Variants in HIVEP3 observed in about 807,000 individuals in gnomAD.
HIVEP3 encodes the protein transcription factor HIVEP3.
In HIVEP3, 49 loss-of-function variants were observed where a neutral mutation model predicts 152.8. That is an observed-to-expected ratio of 0.32 (90% CI 0.26 to 0.41). HIVEP3 has a LOEUF of 0.41. Ranked by LOEUF, HIVEP3 falls within the 10% of genes least tolerant of loss-of-function variation. The pLI is 1.00. For missense variants in HIVEP3, 2,790 were observed against 3,103.3 expected, an observed-to-expected ratio of 0.90 and a Z score of 2.40; for synonymous variants, 1,269 against 1,289.0, an observed-to-expected ratio of 0.98 and a Z score of 0.33.
intron 1 of HIVEP3, among the ~76,000 whole-genome samples, chr1:41,974,168 G>T (rs146409901): frequency 2.0e-5 from 3 of 152,188 alleles, no homozygotes; most frequent in African/African-American, 7.2e-5. Context: ...GCACAAGAGA[G>T]AAAAGGGGCA....
Position 41,510,787 on chromosome 1 carries a change from C to T in HIVEP3, c.6885G>A (p.Gly2295=), listed in dbSNP as rs757402370. The part of the protein sequence containing the change: ...PGRPPDWTPH[G]TGAPAEPTPT... The stretch of plus-strand genomic sequence containing the variant: ...GTGTGGGCTCTGCAGGTGCCCCGGT[C>T]CCATGGGGTGTCCAGTCAGGAGGCC... The change falls in exon 9 of 9, where the codon GGG becomes GGA. Residue 2295 remains glycine, a synonymous_variant. Coordinates refer to ENST00000372583, the MANE Select transcript of HIVEP3 (RefSeq NM_024503.5). The T allele has an allele frequency of 3.7e-6, 6 of 1,609,266 alleles. No homozygotes were observed. The highest frequency in any genetic ancestry group is 5.1e-6 in the Non-Finnish European group (6 of 1,178,452).
chr1:41,969,289 ATGC>A (rs1179381465), intron 1 of HIVEP3, among the ~76,000 whole-genome samples: 1 of 152,232 alleles, frequency 6.6e-6, no homozygotes, highest in Admixed American at 6.5e-5. Flanking sequence ...TGGAGACATC[ATGC>A]TACCTGAGTT....
chr1:41,928,009 C>T (rs1185426082), intron 1 of HIVEP3, among the ~76,000 whole-genome samples: 2 of 132,988 alleles, frequency 1.5e-5, no homozygotes, highest in Non-Finnish European at 3.1e-5. Context: ...TGCAGTCAGC[C>T]GAGATTGCAG....
At chr1:42,000,580 C>T (rs348142) in intron 1 of HIVEP3, among the ~76,000 whole-genome samples, 92,118 of 152,078 alleles carry the variant, frequency 0.61, 28,429 homozygotes, top group African/African-American at 0.73. Context: ...TGCCAGGTAT[C>T]TGAGGACTCC....
At chr1:41,676,887 G>A (rs1474256290) in intron 2 of HIVEP3, among the ~76,000 whole-genome samples, 1 of 152,212 alleles carries the variant, frequency 6.6e-6, no homozygotes. Flanking sequence ...CAGCTGGGAG[G>A]AAAGTCCACT....
At chr1:41,883,062 A>G in intron 1 of HIVEP3, among the ~76,000 whole-genome samples, 1 of 152,090 alleles carries the variant, frequency 6.6e-6, no homozygotes, top group Admixed American at 6.6e-5. Flanking sequence ...AGTAAGAGAC[A>G]CTATTCCAAG....
chr1:41,511,208 GAGGA>G lies in HIVEP3; in HGVS notation c.6460_6463del (p.Ser2154ProfsTer33). ...GTCATGGAGGGCGGAGAAGGGTCGG[GAGGA>G]GAGAGGATGAGCAGGGCCGGGTGAG... On this transcript the variant is annotated frameshift_variant, in exon 9 of 9. Transcript: ENST00000372583. LOFTEE classifies it high-confidence loss of function. The surrounding 1 kb of genome is among the most constrained non-coding windows in gnomAD (Gnocchi z 4.9). 1 of 1,613,854 alleles carries G rather than the reference GAGGA, an allele frequency of 6.2e-7. No individual in the cohort carries two copies. The highest frequency in any genetic ancestry group is 8.5e-7 in the Non-Finnish European group (1 of 1,179,918).
At chr1:41,743,401 C>T (rs1030132242) in intron 1 of HIVEP3, among the ~76,000 whole-genome samples, 2 of 152,194 alleles carry the variant, frequency 1.3e-5, no homozygotes, top group East Asian at 3.8e-4. Flanking sequence ...GCACTTAGGA[C>T]AGAGCCTGAC....
chr1:41,857,109 C>T (rs1192518815), intron 1 of HIVEP3, among the ~76,000 whole-genome samples: 1 of 152,160 alleles, frequency 6.6e-6, no homozygotes, highest in African/African-American at 2.4e-5. Flanking sequence ...AAGGAATCTG[C>T]TGAGTTCTGC....
Position 41,584,225 on chromosome 1 carries a change from C to T in HIVEP3, c.573G>A (p.Lys191=). 2 of 1,614,032 alleles carry T rather than the reference C, an allele frequency of 1.2e-6. No individual in the cohort carries two copies. The highest frequency in any genetic ancestry group is 1.7e-6 in the Non-Finnish European group (2 of 1,179,912). Reference sequence around the variant, plus strand: ...GCCGGCTGCAGTACTGGCAGATGTACTTGCCTGGCTTCTGGGGCTTCCTCT... The same window carrying T: ...GCCGGCTGCAGTACTGGCAGATGTATTTGCCTGGCTTCTGGGGCTTCCTCT... ...KKERKPQKPG[K]YICQYCSRPC... Residue 191 remains lysine, a synonymous_variant, in exon 4 of 9, where the codon AAG becomes AAA. Transcript: ENST00000372583. The surrounding 1 kb of genome is among the most constrained non-coding windows in gnomAD (Gnocchi z 5.2).
At chr1:41,808,337 C>T (rs1217761430) in intron 1 of HIVEP3, among the ~76,000 whole-genome samples, 1 of 152,266 alleles carries the variant, frequency 6.6e-6, no homozygotes, top group Non-Finnish European at 1.5e-5. Context: ...ATCCTCTCCA[C>T]TAGGCTGCAG....
chr1:41,522,848 G>T (rs1365209493), intron 6 of HIVEP3, among the ~76,000 whole-genome samples: 1 of 152,224 alleles, frequency 6.6e-6, no homozygotes, highest in Non-Finnish European at 1.5e-5. Flanking sequence ...CAGGCTGCGT[G>T]TGGGGCACAG....
At chr1:41,802,843 G>T (rs550548257) in intron 1 of HIVEP3, among the ~76,000 whole-genome samples, 6 of 152,242 alleles carry the variant, frequency 3.9e-5, no homozygotes, top group African/African-American at 1.2e-4. Context: ...TGCTCTTACT[G>T]AGTTGCTAAT....
intron 2 of HIVEP3, among the ~76,000 whole-genome samples, chr1:41,638,283 A>G (rs1645310711): frequency 7.7e-6 from 1 of 130,498 alleles, no homozygotes; most frequent in Non-Finnish European, 1.6e-5. Context: ...AGAAAGAAAG[A>G]GGAAGGAAGG....
Position 41,662,906 on chromosome 1 carries a change from G to C in HIVEP3, c.-720-33959C>G, listed in dbSNP as rs967896244. 6.6e-6 allele frequency among the ~76,000 whole-genome samples: 1 copy of C among 152,160 alleles called. No homozygotes were observed. Among genetic ancestry groups the C allele is most frequent in the Non-Finnish European group, 1.5e-5 (1 of 68,000 alleles). Reference sequence around the variant, plus strand: ...TCCCCCTGGGTGCCAGCCGGGCTCCGGGAAGCCCGCGCCTCCCCAGGCGGG... The same window carrying C: ...TCCCCCTGGGTGCCAGCCGGGCTCCCGGAAGCCCGCGCCTCCCCAGGCGGG... On this transcript the variant is annotated intron_variant, in intron 2 of 8. Transcript: ENST00000372583. This position sits in a 1 kb window ranked among gnomAD's most constrained non-coding sequence, Gnocchi z 7.2.
At chr1:41,948,337 T>G (rs1227870632) in intron 1 of HIVEP3, among the ~76,000 whole-genome samples, 2 of 152,212 alleles carry the variant, frequency 1.3e-5, no homozygotes, top group Non-Finnish European at 2.9e-5. Context: ...TATGCTCACC[T>G]AGTCCTCCAT....
Position 41,533,916 on chromosome 1 carries a change from C to T in HIVEP3, c.5208-9006G>A, listed in dbSNP as rs769073198. Among the ~76,000 whole-genome samples, 9 of 96,058 alleles carry T rather than the reference C, an allele frequency of 9.4e-5. No individual in the cohort carries two copies. Among genetic ancestry groups the T allele is most frequent in the Admixed American group, 2.5e-4 (2 of 8,106 alleles). 63.0% of individuals were successfully genotyped at this position (96,058 alleles called of 152,430 possible). A position where few individuals can be genotyped will look rare whatever the true frequency, so the allele number is the denominator to read the frequency against. ...GAACCAGCCTTCCAAGTCCCTCTAC[C>T]TGCAGTGTCTGCTCCTGGGTCCCCG... On this transcript the variant is annotated intron_variant, in intron 5 of 8. Coordinates refer to ENST00000372583, the MANE Select transcript of HIVEP3 (RefSeq NM_024503.5). The surrounding 1 kb of genome is among the most constrained non-coding windows in gnomAD (Gnocchi z 4.3).
intron 1 of HIVEP3, among the ~76,000 whole-genome samples, chr1:41,904,502 T>C (rs776457030): frequency 5.3e-5 from 8 of 152,100 alleles, no homozygotes; most frequent in Non-Finnish European, 1.0e-4. Flanking sequence ...AGAAGTGGAA[T>C]TAAGGGAGAC....
rs1181882066 is a variant in HIVEP3 at position 41,512,008 on chromosome 1, CAG to C, written c.6406-744_6406-743del. Among the ~76,000 whole-genome samples the C allele has an allele frequency of 1.1e-4, 17 of 152,094 alleles. No individual in the cohort carries two copies. In the East Asian group the frequency reaches 2.9e-3, roughly 26 times the overall value. ...GTGGTGTCTCTGAGAGCACTGGTGA[CAG>C]TGATATTGGAGATGGTGATGGTTTT... On this transcript the variant is annotated intron_variant, in intron 8 of 8. Coordinates refer to ENST00000372583, the MANE Select transcript of HIVEP3 (RefSeq NM_024503.5).
Sources: gnomAD v4.1 joint callset for allele counts (sites outside exome capture counted in the v4.1 genomes callset) on GRCh38, gnomAD v4.1.1 for gene constraint, Gnocchi (gnomAD v3.1) non-coding constraint, MANE v1.5 for transcripts, NCBI Gene and HGNC (gene_info 2026-07-23, HGNC 2026-07-21) for gene names.